BDH2: variants seen among roughly 807,000 people sequenced by gnomAD.
BDH2 encodes dehydrogenase/reductase SDR family member 6.
BDH2 carries 24 observed loss-of-function variants against 33.2 expected under a neutral mutation model. That is an observed-to-expected ratio of 0.72 (90% confidence interval 0.52 to 1.02). The LOEUF (loss-of-function observed/expected upper bound fraction) is 1.02. Among genes scored for constraint, BDH2 ranks in the 50% least tolerant of loss-of-function variants. BDH2 has a pLI of 0.00. For synonymous variants in BDH2, 81 were observed against 101.6 expected, an observed-to-expected ratio of 0.80 and a Z score of 1.22; for missense variants, 249 against 301.6, an observed-to-expected ratio of 0.83 and a Z score of 1.29.
At chr4:103,093,007 A>C (rs1273770297) in intron 3 of BDH2, among the ~76,000 whole-genome samples, 1 of 152,218 alleles carries the variant, frequency 6.6e-6, no homozygotes, top group Non-Finnish European at 1.5e-5. Context: ...GTTTCTCAGT[A>C]AGCCAGCAGT....
chr4:103,096,086 A>T (rs948130938), intron 2 of BDH2, 97 bp downstream of exon 2: 2 of 823,596 alleles, frequency 2.4e-6, no homozygotes, highest in African/African-American at 3.4e-5. Context: ...AAAAATAAAA[A>T]AGCAGAGCAG....
chr4:103,078,706 A>G lies in BDH2; in HGVS notation c.*996T>C, dbSNP rs1489797956. Among the ~76,000 whole-genome samples the G allele has an allele frequency of 6.6e-6, 1 of 152,186 alleles. No individual in the cohort carries two copies. Among genetic ancestry groups the G allele is most frequent in the Non-Finnish European group, 1.5e-5 (1 of 68,034 alleles). ...AAAATTTTAAAATTAGGATCTACAT[A>G]CAGAACAATGCAGAATTATATAAAA... On this transcript the variant is annotated 3_prime_UTR_variant, in exon 10 of 10. Coordinates refer to ENST00000296424, the MANE Select transcript of BDH2 (RefSeq NM_020139.4).
Position 103,079,117 on chromosome 4 carries a change from T to A in BDH2, c.*585A>T, listed in dbSNP as rs1387752099. Among the ~76,000 whole-genome samples, 1 of 152,248 alleles carries A rather than the reference T, an allele frequency of 6.6e-6. No homozygotes were observed. Among genetic ancestry groups the A allele is most frequent in the Non-Finnish European group, 1.5e-5 (1 of 68,040 alleles). On this transcript the variant is annotated 3_prime_UTR_variant, in exon 10 of 10. Transcript: ENST00000296424. ...ACCCCAGAGTCATGTGTTGACATCC[T>A]AACCTGCAATATGATACATTAGGAG...
intron 3 of BDH2, 134 bp downstream of exon 3, chr4:103,095,069 A>G (rs569290178): frequency 3.9e-5 from 24 of 615,844 alleles, no homozygotes; most frequent in African/African-American, 1.8e-4. Context: ...TATAGATTTC[A>G]TATCAGAGAG....
intron 3 of BDH2, among the ~76,000 whole-genome samples, chr4:103,094,869 G>A (rs1748301951): frequency 6.6e-6 from 1 of 152,116 alleles, no homozygotes; most frequent in Non-Finnish European, 1.5e-5. Context: ...GGCTATCCTA[G>A]AGGAGGAGGG....
Position 103,085,430 on chromosome 4 carries a change from TG to T in BDH2, c.450del (p.Lys151ArgfsTer4), listed in dbSNP as rs758024594. 14 of 1,613,290 alleles carry T rather than the reference TG, an allele frequency of 8.7e-6. No homozygotes were observed. In the South Asian group the frequency reaches 1.5e-4, roughly 18 times the overall value. ...GVVNRCVYST[T>X]KAAVIGLTKS... is the part of the protein sequence containing the mutation. ...TTTGTGAGGCCAATCACGGCTGCCTTGGTTGTGCTGTACACACATCTGTTCA... is the reference window on the plus strand; with the variant it reads ...TTTGTGAGGCCAATCACGGCTGCCTTGTTGTGCTGTACACACATCTGTTCA... On this transcript the variant is annotated frameshift_variant, in exon 7 of 10. Coordinates refer to ENST00000296424, the MANE Select transcript of BDH2 (RefSeq NM_020139.4).
rs527306841 is a variant in BDH2, at chr4:103,080,506, C to A, written c.685-751G>T. 2.0e-5 allele frequency among the ~76,000 whole-genome samples: 3 copies of A among 152,134 alleles called. No individual in the cohort carries two copies. In the South Asian group the frequency reaches 6.2e-4, roughly 32 times the overall value. On this transcript the variant is annotated intron_variant, in intron 9 of 9. Transcript: ENST00000296424. ...GTCTAAATTCATCTGAAGCCTGAAA[C>A]AATGGAAGAGGAAGTAAGGATATCA...
intron 3 of BDH2, among the ~76,000 whole-genome samples, chr4:103,094,183 A>G (rs1748247723): frequency 6.6e-6 from 1 of 152,202 alleles, no homozygotes; most frequent in South Asian, 2.1e-4. Context: ...TTTAGAGCTA[A>G]GCTGTCTCCA....
chr4:103,082,964 A>T (rs1448233121), intron 7 of BDH2, 35 bp from the exon 8 acceptor site: 1 of 1,553,166 alleles, frequency 6.4e-7, no homozygotes, highest in Admixed American at 1.7e-5. Context: ...TTGGTTACTC[A>T]CTTTCACTGA....
At position 103,086,455 on chromosome 4, in the gene BDH2, A is replaced by G. The variant is rs373368953; in HGVS notation, c.418+25T>C. 7 of 1,609,608 alleles carry G rather than the reference A, an allele frequency of 4.3e-6. No individual in the cohort carries two copies. The African/African-American group carries it at 9.4e-5, about 22-fold the overall frequency. On this transcript the variant is annotated intron_variant, in intron 6 of 9. Coordinates refer to ENST00000296424, the MANE Select transcript of BDH2 (RefSeq NM_020139.4). ...AATGATGTGCGTGTATGAGCATCGC[A>G]GTCCTCGGAAGGAGACAGACCCACC...
intron 6 of BDH2, chr4:103,086,020 C>G (rs745861235): frequency 1.7e-6 from 2 of 1,152,648 alleles, no homozygotes; most frequent in Non-Finnish European, 2.2e-6. Flanking sequence ...AAGCATTCCA[C>G]AAACTCACAG....
intron 4 of BDH2, chr4:103,091,492 C>G: frequency 2.1e-6 from 1 of 473,008 alleles, no homozygotes; most frequent in Non-Finnish European, 3.9e-6. Flanking sequence ...AAACAAGATC[C>G]TTGTTTTCCA....
At chr4:103,092,735 T>C (rs1374965283) in intron 3 of BDH2, 39 bp from the exon 4 acceptor site, 8 of 1,452,978 alleles carry the variant, frequency 5.5e-6, no homozygotes, top group East Asian at 4.6e-5. Flanking sequence ...CTAAAAATGT[T>C]TAGCCTTGAA....
At chr4:103,086,268 A>C (rs1272528606) in intron 6 of BDH2, 3 of 1,311,580 alleles carry the variant, frequency 2.3e-6, no homozygotes, top group Non-Finnish European at 2.9e-6. Context: ...GGAGGGCAAA[A>C]ATACCCCACA....
chr4:103,081,538 C>T (rs887419212), intron 9 of BDH2, among the ~76,000 whole-genome samples: 29 of 152,246 alleles, frequency 1.9e-4, no homozygotes, highest in Non-Finnish European at 3.5e-4. Flanking sequence ...TCAGGTGATC[C>T]GCCTGCCTCG....
At chr4:103,085,685 A>T in intron 6 of BDH2, 1 of 1,471,834 alleles carries the variant, frequency 6.8e-7, no homozygotes, top group South Asian at 1.2e-5. Flanking sequence ...ACTTAATTGA[A>T]ATGCTGAACT....
Position 103,077,813 on chromosome 4 carries a change from C to T in BDH2, c.*1889G>A, listed in dbSNP as rs1747308276. Among the ~76,000 whole-genome samples the T allele has an allele frequency of 6.6e-6, 1 of 152,180 alleles. No homozygotes were observed. The highest frequency in any genetic ancestry group is 2.1e-4 in the South Asian group (1 of 4,826). ...GTCATTTAGCTTAACTCCTTAATTT[C>T]ATAAACCAGAAAACTAAAATCCAAG... On this transcript the variant is annotated 3_prime_UTR_variant, in exon 10 of 10. Coordinates refer to ENST00000296424, the MANE Select transcript of BDH2 (RefSeq NM_020139.4).
In BDH2 at chr4:103,077,943, C is replaced by T. The variant is rs997394036; in HGVS notation, c.*1759G>A. Among the ~76,000 whole-genome samples the T allele has an allele frequency of 2.6e-5, 4 of 152,206 alleles. No homozygotes were observed. Among genetic ancestry groups the T allele is most frequent in the African/African-American group, 9.6e-5 (4 of 41,456 alleles). ...TAGATAATCTTATAATCAATGGACT[C>T]TTTCTGAATGCTAGTCAAAATGTCC... On this transcript the variant is annotated 3_prime_UTR_variant, in exon 10 of 10. Transcript: ENST00000296424.
At chr4:103,081,091 A>G (rs548452349) in intron 9 of BDH2, among the ~76,000 whole-genome samples, 4 of 152,252 alleles carry the variant, frequency 2.6e-5, no homozygotes, top group Admixed American at 2.6e-4. Context: ...CACACATTAC[A>G]GTTCCTTGTT....
Sources: gnomAD v4.1 joint callset for allele counts (sites outside exome capture counted in the v4.1 genomes callset) on GRCh38, gnomAD v4.1.1 for gene constraint, MANE v1.5 for transcripts, NCBI Gene and HGNC (gene_info 2026-07-23, HGNC 2026-07-21) for gene names.